RYR2: variants seen among roughly 807,000 people sequenced by gnomAD.
RYR2 encodes cardiac muscle ryanodine receptor-calcium release channel.
RYR2 carries 227 observed loss-of-function variants against 601.1 expected under a neutral mutation model. The observed-to-expected ratio is 0.38, with a 90% CI of 0.34 to 0.42. RYR2 has a LOEUF of 0.42. Ranked by LOEUF, RYR2 falls within the 10% of genes least tolerant of loss-of-function variation. The pLI is 1.00. For synonymous variants in RYR2, 2,223 were observed against 2,175.1 expected (o/e 1.02, Z -0.61); for missense variants, 4,646 against 6,156.5 (o/e 0.75, Z 8.21).
intron 56 of RYR2, among the ~76,000 whole-genome samples, chr1:237,661,695 G>C (rs970043545): frequency 2.0e-5 from 3 of 152,106 alleles, no homozygotes; most frequent in Non-Finnish European, 4.4e-5. Context: ...AAGGCACAAG[G>C]GCGCTCCTGT....
chr1:237,793,180 A>C (rs1658668484), intron 94 of RYR2, among the ~76,000 whole-genome samples: 1 of 152,340 alleles, frequency 6.6e-6, no homozygotes, highest in South Asian at 2.1e-4. Context: ...TCAGAGTAAA[A>C]GACTAGAATG....
intron 58 of RYR2, among the ~76,000 whole-genome samples, chr1:237,673,778 A>G (rs1164464152): frequency 6.6e-6 from 1 of 152,216 alleles, no homozygotes; most frequent in Non-Finnish European, 1.5e-5. Flanking sequence ...CACATTCAGA[A>G]TTGCTTTGAA....
chr1:237,146,918 G>T (rs1674062640), intron 1 of RYR2, among the ~76,000 whole-genome samples: 1 of 152,118 alleles, frequency 6.6e-6, no homozygotes, highest in Non-Finnish European at 1.5e-5. Context: ...CTTATAATTA[G>T]TTTAGTGTTG....
chr1:237,494,178 C>A (rs959435621), intron 19 of RYR2, among the ~76,000 whole-genome samples: 28 of 152,052 alleles, frequency 1.8e-4, no homozygotes, highest in Admixed American at 1.3e-3. Flanking sequence ...AGGTGAAGTC[C>A]CACAAAAAGC....
chr1:237,045,432 C>T (rs1233325217), intron 1 of RYR2, among the ~76,000 whole-genome samples: 2 of 151,396 alleles, frequency 1.3e-5, no homozygotes, highest in South Asian at 4.2e-4. Context: ...TGCTGCTTGT[C>T]GAGTTGGCTC....
intron 80 of RYR2, among the ~76,000 whole-genome samples, chr1:237,754,595 A>G (rs976063353): frequency 2.0e-5 from 3 of 152,164 alleles, no homozygotes; most frequent in African/African-American, 7.2e-5. Flanking sequence ...TCATGAGCGA[A>G]TAATTTCTTA....
intron 1 of RYR2, among the ~76,000 whole-genome samples, chr1:237,162,875 G>A (rs1304140083): frequency 6.6e-6 from 1 of 152,150 alleles, no homozygotes; most frequent in Non-Finnish European, 1.5e-5. Flanking sequence ...TTCTGCAGGA[G>A]TCTAATGGGG....
chr1:237,201,958 A>G (rs186068158), intron 1 of RYR2, among the ~76,000 whole-genome samples: 5 of 152,306 alleles, frequency 3.3e-5, no homozygotes, highest in Admixed American at 6.5e-5. Flanking sequence ...GCCTATCTCA[A>G]TTTGGATGGA....
chr1:237,638,240 T>C, intron 44 of RYR2, 117 bp from the exon 45 acceptor site: 3 of 1,365,320 alleles, frequency 2.2e-6, no homozygotes, highest in African/African-American at 2.9e-5. Flanking sequence ...AAAAAGAATT[T>C]GCAAAAATGC....
At position 237,697,316 on chromosome 1, in the gene RYR2, G is replaced by A. The variant is rs188195967; in HGVS notation, c.9068-1649G>A. ...CTGTTATTCTACCCAGTTTCTGTAG[G>A]TGTGTGTGTGTGTGTATATATATAT... On this transcript the variant is annotated intron_variant, in intron 63 of 104. Coordinates refer to ENST00000366574, the MANE Select transcript of RYR2 (RefSeq NM_001035.3). Among the ~76,000 whole-genome samples the A allele has an allele frequency of 1.5e-3, 207 of 141,236 alleles. 1 individual carries two copies. The highest frequency in any genetic ancestry group is 4.1e-3 in the Admixed American group (56 of 13,684). The allele number at this position is 141,236 out of a possible 152,430, so 92.7% of individuals were successfully genotyped here. A position where few individuals can be genotyped will look rare whatever the true frequency, so the allele number is the denominator to read the frequency against.
intron 27 of RYR2, among the ~76,000 whole-genome samples, chr1:237,559,986 C>G (rs1254568781): frequency 6.6e-6 from 1 of 152,208 alleles, no homozygotes; most frequent in African/African-American, 2.4e-5. Flanking sequence ...CCAGTCTTTA[C>G]CAAAGGAGAG....
intron 98 of RYR2, among the ~76,000 whole-genome samples, chr1:237,803,205 C>G (rs1384517604): frequency 6.6e-6 from 1 of 152,186 alleles, no homozygotes; most frequent in Non-Finnish European, 1.5e-5. Flanking sequence ...TACTGTGCAG[C>G]AAGCACATGT....
intron 1 of RYR2, among the ~76,000 whole-genome samples, chr1:237,077,699 C>A (rs1363647001): frequency 2.0e-5 from 3 of 151,010 alleles, no homozygotes; most frequent in Admixed American, 2.0e-4. Context: ...ACCCCACTGT[C>A]AACATTAGAC....
intron 33 of RYR2, among the ~76,000 whole-genome samples, chr1:237,594,496 T>C (rs554244635): frequency 6.6e-6 from 1 of 152,200 alleles, no homozygotes; most frequent in East Asian, 1.9e-4. Context: ...AAACCACATG[T>C]CTCCAGGAAT....
At chr1:237,087,240 G>A (rs1045899692) in intron 1 of RYR2, among the ~76,000 whole-genome samples, 1 of 152,140 alleles carries the variant, frequency 6.6e-6, no homozygotes, top group African/African-American at 2.4e-5. Context: ...TAGCATCCTA[G>A]CCAGTCTTCA....
At position 237,589,817 on chromosome 1, in the gene RYR2, G is replaced by T; in HGVS notation, c.3623G>T (p.Gly1208Val). Reference sequence around the variant, plus strand: ...GGATTCATACCTGTGTGTAGCCTTGGAGTGGCTCAAGTGGGTAGGATGAAC... The same window carrying T: ...GGATTCATACCTGTGTGTAGCCTTGTAGTGGCTCAAGTGGGTAGGATGAAC... ...GDGFIPVCSL[G>V]VAQVGRMNFG... Residue 1208 changes from glycine (G) to valine (V), a missense_variant, in exon 30 of 105, where the codon GGA (glycine) becomes GTA (valine). Around this residue, in one of 17 missense-constraint regions of RYR2, gnomAD observed 1,807 missense variants for 2,088.1 expected, o/e 0.87. Coordinates refer to ENST00000366574, the MANE Select transcript of RYR2 (RefSeq NM_001035.3). 6.2e-7 allele frequency: 1 copy of T among 1,613,818 alleles called. No homozygotes were observed. Among genetic ancestry groups the T allele is most frequent in the Non-Finnish European group, 8.5e-7 (1 of 1,179,846 alleles).
intron 3 of RYR2, among the ~76,000 whole-genome samples, chr1:237,341,159 T>C (rs1021155567): frequency 6.6e-6 from 1 of 152,216 alleles, no homozygotes; most frequent in Non-Finnish European, 1.5e-5. Flanking sequence ...TTTATTTGAT[T>C]AGTCTCATTC....
chr1:237,701,264 C>T (rs1014008742), intron 65 of RYR2, among the ~76,000 whole-genome samples: 5 of 152,166 alleles, frequency 3.3e-5, no homozygotes, highest in Non-Finnish European at 7.4e-5. Flanking sequence ...GGTGCAGTGG[C>T]GCATGCCTGT....
chr1:237,595,481 G>A lies in RYR2; in HGVS notation c.4437-17G>A. The A allele has an allele frequency of 6.2e-7, 1 of 1,601,214 alleles. No homozygotes were observed. Among genetic ancestry groups the A allele is most frequent in the South Asian group, 1.1e-5 (1 of 87,580 alleles). The stretch of plus-strand genomic sequence containing the variant: ...TCTGTGGTTGTACAAAGATAAAAAT[G>A]TTCTTTTGAAATTCAGCATCAAACG... On this transcript the variant is annotated splice_polypyrimidine_tract_variant and intron_variant, in intron 33 of 104. Coordinates refer to ENST00000366574, the MANE Select transcript of RYR2 (RefSeq NM_001035.3).
Sources: gnomAD v4.1 joint callset for allele counts (sites outside exome capture counted in the v4.1 genomes callset) on GRCh38, gnomAD v4.1.1 for gene constraint, gnomAD v4.1.1 regional missense constraint, MANE v1.5 for transcripts, NCBI Gene and HGNC (gene_info 2026-07-23, HGNC 2026-07-21) for gene names.